Variants in HDAC9 observed in about 807,000 individuals in gnomAD.
The protein encoded by HDAC9 is histone deacetylase 9.
A neutral mutation model predicts 139.4 loss-of-function variants in HDAC9; 41 were observed. That is an observed-to-expected ratio of 0.29 (90% confidence interval 0.23 to 0.38). The LOEUF is 0.38. Ranked by LOEUF, HDAC9 falls within the 10% of genes least tolerant of loss-of-function variation. HDAC9 has a pLI of 1.00. For synonymous variants in HDAC9, 517 were observed against 476.2 expected (o/e 1.09, Z -1.12); for missense variants, 1,147 against 1,297.0 (o/e 0.88, Z 1.78).
chr7:18,123,354 G>A (rs957485764), intron 1 of HDAC9, among the ~76,000 whole-genome samples: 4 of 152,046 alleles, frequency 2.6e-5, no homozygotes, highest in East Asian at 1.9e-4. Flanking sequence ...GTAACCCCCC[G>A]ATTTAAAACA....
chr7:18,865,043 A>G (rs552986042), intron 21 of HDAC9, among the ~76,000 whole-genome samples: 4 of 152,340 alleles, frequency 2.6e-5, no homozygotes, highest in Non-Finnish European at 5.9e-5. Context: ...CTCATGGGTC[A>G]TTAAAACAAA....
chr7:18,169,152 GT>G (rs1788227994), intron 2 of HDAC9, among the ~76,000 whole-genome samples: 1 of 152,024 alleles, frequency 6.6e-6, no homozygotes, highest in African/African-American at 2.4e-5. Flanking sequence ...GCTCAGGCTG[GT>G]TTTGAACTCC....
chr7:18,646,887 A>G (rs773695607), intron 9 of HDAC9, among the ~76,000 whole-genome samples: 13 of 152,286 alleles, frequency 8.5e-5, no homozygotes, highest in Non-Finnish European at 1.6e-4. Flanking sequence ...GTAGTTTATT[A>G]TACAAAATAT....
At chr7:18,110,922 A>G (rs1305474767) in intron 1 of HDAC9, among the ~76,000 whole-genome samples, 1 of 152,142 alleles carries the variant, frequency 6.6e-6, no homozygotes, top group Non-Finnish European at 1.5e-5. Flanking sequence ...AAGAGTTTGG[A>G]TGTTGGTATA....
intron 22 of HDAC9, among the ~76,000 whole-genome samples, chr7:18,897,558 A>G (rs1047540699): frequency 1.3e-5 from 2 of 151,900 alleles, no homozygotes; most frequent in Non-Finnish European, 2.9e-5. Flanking sequence ...CAGAATATCT[A>G]ATAATCATAT....
At chr7:18,525,985 C>G (rs2128225375) in intron 2 of HDAC9, among the ~76,000 whole-genome samples, 1 of 152,316 alleles carries the variant, frequency 6.6e-6, no homozygotes, top group South Asian at 2.1e-4. Context: ...GGCTTCCCCA[C>G]TTTTATCTCT....
intron 2 of HDAC9, among the ~76,000 whole-genome samples, chr7:18,197,506 C>T (rs1790809776): frequency 6.6e-6 from 1 of 152,118 alleles, no homozygotes; most frequent in Non-Finnish European, 1.5e-5. Context: ...CTGGATGTTG[C>T]ATCTTTGAAT....
chr7:18,327,163 C>A (rs948268291), intron 1 of HDAC9, among the ~76,000 whole-genome samples: 2 of 151,630 alleles, frequency 1.3e-5, no homozygotes, highest in South Asian at 4.2e-4. Context: ...TAAGGAAACA[C>A]CTCTTTTTCA....
intron 1 of HDAC9, among the ~76,000 whole-genome samples, chr7:18,380,549 G>A (rs550063819): frequency 6.6e-6 from 1 of 152,318 alleles, no homozygotes; most frequent in East Asian, 1.9e-4. Context: ...GAAGGATGCA[G>A]CAATTGACTG....
chr7:18,647,670 AG>A, intron 9 of HDAC9, 114 bp from the exon 10 acceptor site: 1 of 809,094 alleles, frequency 1.2e-6, no homozygotes, highest in Non-Finnish European at 1.9e-6. Flanking sequence ...CCATTGGGTA[AG>A]ATGGGGCTTT....
At position 18,193,676 on chromosome 7, in the gene HDAC9, T is replaced by C. The variant is rs144171968; in HGVS notation, c.25+31327T>C. 1.9e-3 allele frequency among the ~76,000 whole-genome samples: 293 copies of C among 152,276 alleles called. 1 individual carries two copies. Among genetic ancestry groups the C allele is most frequent in the African/African-American group, 6.6e-3 (274 of 41,564 alleles). On this transcript the variant is annotated intron_variant, in intron 2 of 12. Coordinates refer to the HDAC9 transcript ENST00000417496. The stretch of plus-strand genomic sequence containing the variant: ...TCTCTATATTTGCTCTCATAACACA[T>C]TGATTTATATTGAACTTTCTCCTTG...
chr7:18,607,248 T>A (rs1835776630), intron 6 of HDAC9, among the ~76,000 whole-genome samples: 1 of 152,200 alleles, frequency 6.6e-6, no homozygotes, highest in South Asian at 2.1e-4. Flanking sequence ...GAGTCAGCCT[T>A]GTAAGAACTT....
chr7:18,218,535 A>G (rs1184463887), intron 2 of HDAC9, among the ~76,000 whole-genome samples: 1 of 152,198 alleles, frequency 6.6e-6, no homozygotes, highest in Non-Finnish European at 1.5e-5. Flanking sequence ...ACCGTTATAC[A>G]GTGTGGGGGA....
intron 11 of HDAC9, among the ~76,000 whole-genome samples, chr7:18,663,250 G>A (rs1481520543): frequency 2.0e-5 from 3 of 152,108 alleles, no homozygotes; most frequent in Non-Finnish European, 4.4e-5. Flanking sequence ...GGGGAATGAG[G>A]TCAAGTGGAG....
At chr7:18,951,362 A>C (rs1038919548) in intron 23 of HDAC9, among the ~76,000 whole-genome samples, 12 of 152,004 alleles carry the variant, frequency 7.9e-5, no homozygotes, top group Non-Finnish European at 1.5e-4. Flanking sequence ...TGTGTAAAGA[A>C]TTGCTATGAG....
At chr7:18,757,005 G>T (rs923713586) in intron 14 of HDAC9, among the ~76,000 whole-genome samples, 1 of 152,032 alleles carries the variant, frequency 6.6e-6, no homozygotes, top group Non-Finnish European at 1.5e-5. Flanking sequence ...AGAAGCAGTT[G>T]GTTGGAGCAT....
At position 18,093,102 on chromosome 7, in the gene HDAC9, G is replaced by A. The variant is rs191718717; in HGVS notation, c.-97+5889G>A. Among the ~76,000 whole-genome samples, 3 of 152,208 alleles carry A rather than the reference G, an allele frequency of 2.0e-5. No individual in the cohort carries two copies. In the East Asian group the frequency reaches 5.8e-4, roughly 29 times the overall value. On this transcript the variant is annotated intron_variant, in intron 1 of 12. Coordinates refer to the HDAC9 transcript ENST00000417496. ...GCTATGTAGTGGGTTGGGGACTATT[G>A]AACACACCCTGTGCTCTAAGCACTT...
rs1253215151 is a variant in HDAC9, at chr7:18,998,374, T to C, written c.*2312T>C. 5 of 152,210 alleles carry C rather than the reference T, an allele frequency of 3.3e-5. No homozygotes were observed. Among genetic ancestry groups the C allele is most frequent in the African/African-American group, 7.2e-5 (3 of 41,464 alleles). The allele number at this position is 152,210 out of a possible 1,614,324, so 9.4% of individuals were successfully genotyped here. A position where few individuals can be genotyped will look rare whatever the true frequency, so the allele number is the denominator to read the frequency against. On this transcript the variant is annotated 3_prime_UTR_variant, in exon 26 of 26. Coordinates refer to ENST00000686413, the MANE Select transcript of HDAC9 (RefSeq NM_178425.4). ...TCACTAGGACATCTCCATGGTTATT[T>C]AGATTTAAAACTTGACACATTAATG...
At chr7:18,764,943 T>C (rs898817141) in intron 15 of HDAC9, among the ~76,000 whole-genome samples, 1 of 152,172 alleles carries the variant, frequency 6.6e-6, no homozygotes, top group Non-Finnish European at 1.5e-5. Context: ...GATTTGAAAA[T>C]GAACATCATT....
Sources: allele counts gnomAD v4.1 joint callset (sites outside exome capture counted in the v4.1 genomes callset), GRCh38; gene constraint gnomAD v4.1.1; transcripts MANE v1.5; gene names NCBI Gene and HGNC (gene_info 2026-07-23, HGNC 2026-07-21).